The following ECM2 variants were observed in gnomAD, a reference collection of about 807,000 sequenced individuals.
ECM2 encodes extracellular matrix protein 2, female organ and adipocyte specific.
A neutral mutation model predicts 67.5 loss-of-function variants in ECM2; 57 were observed. The observed-to-expected ratio is 0.84, with a 90% CI of 0.68 to 1.05. The LOEUF is 1.05. ECM2 is among the 50% of genes least tolerant of loss of function. The pLI, the probability that ECM2 is intolerant of heterozygous loss-of-function variation, is 0.00. For synonymous variants in ECM2, 258 were observed against 294.5 expected, an observed-to-expected ratio of 0.88 and a Z score of 1.27; for missense variants, 741 against 822.8, an observed-to-expected ratio of 0.90 and a Z score of 1.22.
chr9:92,548,469 T>C, the ECM2 span, among the ~76,000 whole-genome samples: 1 of 152,344 alleles, frequency 6.6e-6, no homozygotes, highest in South Asian at 2.1e-4. Context: ...TATTACTGCA[T>C]ATGATCACTA....
In ECM2 at chr9:92,496,423, A is replaced by T; in HGVS notation, c.1992T>A (p.His664Gln). ...AEEDDDSNLE[H>Q]LHLENNYIKI... is the part of the protein sequence containing the mutation. ...TAATATAATTGTTTTCAAGATGAAGATGTTCCAGATTTGAGTCATCATCCT... is the reference window on the plus strand; with the variant it reads ...TAATATAATTGTTTTCAAGATGAAGTTGTTCCAGATTTGAGTCATCATCCT... The change falls in exon 10 of 10, where the codon CAT becomes CAA. Residue 664 changes from histidine (H) to glutamine (Q), a missense_variant. Physicochemically the swap from His to Gln is conservative, Grantham distance 24. Transcript: ENST00000344604. The T allele has an allele frequency of 6.2e-7, 1 of 1,609,908 alleles. No homozygotes were observed.
In ECM2 at chr9:92,515,159, C is replaced by T. The variant is rs964965019; in HGVS notation, c.526G>A (p.Glu176Lys). ...TGTTCTGAAGAATCACCAGAAAATT[C>T]ATTTCTATCATTTAATGCTATACCA... is the stretch of plus-strand genomic sequence containing the variant. Reference protein sequence around the residue: ...LSGIALNDRNEFSGDSSEQRE... With the variant: ...LSGIALNDRNKFSGDSSEQRE... Residue 176 changes from glutamate to lysine, a missense_variant, in exon 4 of 10, where the codon GAA becomes AAA. Transcript: ENST00000344604. 6.2e-7 allele frequency: 1 copy of T among 1,608,532 alleles called. No individual in the cohort carries two copies. Among genetic ancestry groups the T allele is most frequent in the African/African-American group, 1.3e-5 (1 of 74,462 alleles).
At chr9:92,557,641 T>A in the ECM2 span, among the ~76,000 whole-genome samples, 2 of 152,114 alleles carry the variant, frequency 1.3e-5, no homozygotes, top group African/African-American at 4.8e-5. Flanking sequence ...CATTTCGCAT[T>A]TCTTTGTTTG....
At chr9:92,494,506 A>G (rs1031822872), downstream of ECM2, among the ~76,000 whole-genome samples, 1 of 152,166 alleles carries the variant, frequency 6.6e-6, no homozygotes, top group Non-Finnish European at 1.5e-5. Context: ...ACAACCTGCT[A>G]TAAGTCTTTG....
At chr9:92,525,893 C>CAAAAA (rs71362395) in intron 1 of ECM2, among the ~76,000 whole-genome samples, 7 of 43,898 alleles carry the variant, frequency 1.6e-4, no homozygotes, top group African/African-American at 5.1e-4. Flanking sequence ...ACTCTATCTC[C>CAAAAA]AAAAAAAAAA....
At position 92,500,807 on chromosome 9, in the gene ECM2, G is replaced by A. The variant is rs138868045; in HGVS notation, c.1851C>T (p.His617=). ...CAGGTGGTATAGATTTTAAGTCATT[G>A]TGATCCAGAAATAATTCTCTCAGAG... is the stretch of plus-strand genomic sequence containing the variant. The part of the protein sequence containing the change: ...YHSLRELFLD[H]NDLKSIPPGI... The change falls in exon 9 of 10, where the codon CAC becomes CAT. Residue 617 remains histidine (H), a synonymous_variant. Transcript: ENST00000344604. 4 of 1,614,042 alleles carry A rather than the reference G, an allele frequency of 2.5e-6. No homozygotes were observed. The highest frequency in any genetic ancestry group is 3.4e-6 in the Non-Finnish European group (4 of 1,180,042).
chr9:92,546,444 G>A, the ECM2 span, among the ~76,000 whole-genome samples: 4 of 152,196 alleles, frequency 2.6e-5, no homozygotes, highest in African/African-American at 7.2e-5. Context: ...CATGGGGGAA[G>A]ATCTGCAGCT....
the ECM2 span, among the ~76,000 whole-genome samples, chr9:92,541,844 A>G: frequency 3.9e-5 from 6 of 151,956 alleles, no homozygotes; most frequent in Admixed American, 3.9e-4. Flanking sequence ...CCCAGGCTAG[A>G]GTGCAGTGGT....
intron 1 of ECM2, among the ~76,000 whole-genome samples, chr9:92,526,653 A>G (rs1848430320): frequency 6.6e-6 from 1 of 152,000 alleles, no homozygotes; most frequent in Non-Finnish European, 1.5e-5. Flanking sequence ...TAAAAAAATC[A>G]AGAAGCCTTT....
At chr9:92,532,747 T>C (rs1156965678) in intron 1 of ECM2, among the ~76,000 whole-genome samples, 3 of 152,198 alleles carry the variant, frequency 2.0e-5, no homozygotes, top group Admixed American at 2.0e-4. Context: ...TTTAAACATA[T>C]TAAAAATATT....
intron 4 of ECM2, among the ~76,000 whole-genome samples, chr9:92,514,124 CTT>C (rs34816093): frequency 1.2e-3 from 166 of 136,218 alleles, no homozygotes; most frequent in Middle Eastern, 3.8e-3. Flanking sequence ...GAATCGTTCA[CTT>C]TTTTTTTTTT....
At chr9:92,494,186 C>A, downstream of ECM2, 2 of 1,583,104 alleles carry the variant, frequency 1.3e-6, no homozygotes, top group South Asian at 1.1e-5. Flanking sequence ...ATGAATGAAT[C>A]GTTTAGTATC....
rs1848166505 is a variant in ECM2 at position 92,522,897 on chromosome 9, G to C, written c.-27-4C>G. 3.2e-6 allele frequency: 5 copies of C among 1,566,700 alleles called. No individual in the cohort carries two copies. The highest frequency in any genetic ancestry group is 4.3e-6 in the Non-Finnish European group (5 of 1,163,862). Reference sequence around the variant, plus strand: ...ATTTTTTTCCACCAGCCAATTTCTAGAATGAAACAATATTTCAAAGTTAGT... The same window carrying C: ...ATTTTTTTCCACCAGCCAATTTCTACAATGAAACAATATTTCAAAGTTAGT... On this transcript the variant is annotated splice_region_variant and splice_polypyrimidine_tract_variant and intron_variant, in intron 1 of 9. Transcript: ENST00000344604.
intron 2 of ECM2, among the ~76,000 whole-genome samples, chr9:92,518,554 T>C (rs190393323): frequency 6.6e-6 from 1 of 152,316 alleles, no homozygotes; most frequent in East Asian, 1.9e-4. Flanking sequence ...TTATGGTTTA[T>C]TATGCTATTG....
intron 3 of ECM2, among the ~76,000 whole-genome samples, chr9:92,516,166 C>T (rs1053741219): frequency 6.6e-6 from 1 of 151,722 alleles, no homozygotes; most frequent in African/African-American, 2.4e-5. Flanking sequence ...CGGGTTCAAG[C>T]GATTCTCCTG....
chr9:92,520,371 C>T (rs7847534), intron 2 of ECM2, among the ~76,000 whole-genome samples: 57,567 of 151,832 alleles, frequency 0.38, 13,640 homozygotes, highest in African/African-American at 0.67. Context: ...TAAAAAGATG[C>T]TTAACATCAT....
the ECM2 span, among the ~76,000 whole-genome samples, chr9:92,545,641 G>A: frequency 1.4e-3 from 214 of 152,338 alleles, no homozygotes; most frequent in Non-Finnish European, 2.6e-3. Flanking sequence ...GGCACAGGGC[G>A]CGGGACTGGC....
chr9:92,510,111 TAA>T (rs1847246856), intron 5 of ECM2, 77 bp from the exon 6 acceptor site: 1 of 1,487,334 alleles, frequency 6.7e-7, no homozygotes, highest in Non-Finnish European at 8.9e-7. Context: ...TGGTCGTGAC[TAA>T]AAGTCTCACA....
At chr9:92,504,350 G>C (rs1243145639) in intron 7 of ECM2, among the ~76,000 whole-genome samples, 1 of 152,166 alleles carries the variant, frequency 6.6e-6, no homozygotes, top group Non-Finnish European at 1.5e-5. Context: ...AGCCACATAA[G>C]ATCACAATAG....
Sources: gnomAD v4.1 joint callset for allele counts (sites outside exome capture counted in the v4.1 genomes callset) on GRCh38, gnomAD v4.1.1 for gene constraint, MANE v1.5 for transcripts, NCBI Gene and HGNC (gene_info 2026-07-23, HGNC 2026-07-21) for gene names.